Variants in CCDC77 observed in about 807,000 individuals in gnomAD.
The protein encoded by CCDC77 is coiled-coil domain containing 77, also known as coiled-coil domain-containing protein 77.
A neutral mutation model predicts 66.8 loss-of-function variants in CCDC77; 56 were observed. That is an observed-to-expected ratio of 0.84 (90% CI 0.68 to 1.05). The LOEUF is 1.05. Ranked by LOEUF, CCDC77 falls within the 50% of genes least tolerant of loss-of-function variation. The pLI is 0.00. For synonymous variants in CCDC77, 196 were observed against 195.2 expected, an observed-to-expected ratio of 1.00 and a Z score of -0.03; for missense variants, 570 against 576.8, an observed-to-expected ratio of 0.99 and a Z score of 0.12.
chr12:423,472 TTTTTGTG>T (rs1448395550), intron 5 of CCDC77, among the ~76,000 whole-genome samples: 70 of 76,910 alleles, frequency 9.1e-4, no homozygotes, highest in African/African-American at 5.8e-3. Flanking sequence ...TTTTTTGTGT[TTTTTGTG>T]TTTTTTTTTG....
upstream of CCDC77, among the ~76,000 whole-genome samples, chr12:399,704 A>T (rs1335311950): frequency 6.6e-6 from 1 of 152,242 alleles, no homozygotes; most frequent in African/African-American, 2.4e-5. Context: ...TGAACTTAAA[A>T]TACTCAGTTA....
chr12:394,003 A>T, intron 1 of CCDC77, among the ~76,000 whole-genome samples: 1 of 152,230 alleles, frequency 6.6e-6, no homozygotes, highest in East Asian at 1.9e-4. Context: ...TTATCAGGCA[A>T]TTGGGAAGTT....
intron 1 of CCDC77, among the ~76,000 whole-genome samples, chr12:390,801 C>T (rs536045373): frequency 4.2e-4 from 64 of 151,942 alleles, no homozygotes; most frequent in Admixed American, 1.9e-3. Flanking sequence ...GTGAATACAT[C>T]TAGGGTTGGA....
chr12:396,491 G>A (rs1944830052), intron 1 of CCDC77, among the ~76,000 whole-genome samples: 1 of 152,204 alleles, frequency 6.6e-6, no homozygotes, highest in African/African-American at 2.4e-5. Context: ...GTATACGGGA[G>A]GGTGTGCATA....
At chr12:415,349 C>CATAATATTATATTAATATAATT (rs1945212655) in intron 4 of CCDC77, among the ~76,000 whole-genome samples, 3 of 75,144 alleles carry the variant, frequency 4.0e-5, no homozygotes, top group Admixed American at 1.4e-4. Context: ...TTAATATAAT[C>CATAATATTATATTAATATAATT]AACATAATAT....
intron 9 of CCDC77, among the ~76,000 whole-genome samples, chr12:434,819 C>G (rs1239465804): frequency 1.3e-5 from 2 of 152,230 alleles, no homozygotes; most frequent in African/African-American, 4.8e-5. Flanking sequence ...AACCCCTTCA[C>G]CCTTTTGCCT....
chr12:427,071 C>T (rs995199222), intron 5 of CCDC77, among the ~76,000 whole-genome samples: 16 of 152,002 alleles, frequency 1.1e-4, no homozygotes, highest in African/African-American at 3.9e-4. Context: ...ATGGTGAAAC[C>T]CCATCTCTAC....
chr12:425,676 T>C (rs1945515093), intron 5 of CCDC77, among the ~76,000 whole-genome samples: 1 of 152,068 alleles, frequency 6.6e-6, no homozygotes, highest in South Asian at 2.1e-4. Flanking sequence ...GATACCTGGA[T>C]CACAGCCTTA....
At position 440,906 on chromosome 12, in the gene CCDC77, G is replaced by A; in HGVS notation, c.1230G>A (p.Glu410=). 6.2e-7 allele frequency: 1 copy of A among 1,613,830 alleles called. No homozygotes were observed. The highest frequency in any genetic ancestry group is 8.5e-7 in the Non-Finnish European group (1 of 1,180,026). Residue 410 remains glutamate (E), a synonymous_variant, in exon 12 of 13, where the codon GAG becomes GAA. Coordinates refer to ENST00000239830, the MANE Select transcript of CCDC77 (RefSeq NM_032358.4). ...QIMTKRYEAL[E]RRRILEVEGF... ...TGACAAAACGCTATGAGGCATTGGA[G>A]CGTCGACGTATCCTGGAAGTAGAAG...
chr12:404,973 C>T (rs770622401), intron 1 of CCDC77, among the ~76,000 whole-genome samples: 3 of 152,204 alleles, frequency 2.0e-5, no homozygotes, highest in African/African-American at 4.8e-5. Flanking sequence ...CCGCCTTCCT[C>T]GGCCTCCCAA....
chr12:401,580 T>C (rs554203902), upstream of CCDC77: 264 of 152,370 alleles, frequency 1.7e-3, 1 homozygote, highest in Admixed American at 3.1e-3. Context: ...CATGTAAACT[T>C]CTTCGCGATT....
At chr12:424,403 C>G (rs143241324) in intron 5 of CCDC77, among the ~76,000 whole-genome samples, 1 of 150,132 alleles carries the variant, frequency 6.7e-6, no homozygotes, top group African/African-American at 2.5e-5. Flanking sequence ...GGGTATCACT[C>G]TGTCGGCCAG....
intron 4 of CCDC77, among the ~76,000 whole-genome samples, chr12:416,359 G>GTA (rs1945268062): frequency 4.6e-5 from 2 of 43,516 alleles, no homozygotes; most frequent in Non-Finnish European, 7.8e-5. Flanking sequence ...GTGTGTGTGT[G>GTA]TGTGTGTGTG....
Position 416,379 on chromosome 12 carries a change from A to ATATATATG in CCDC77, c.271-2108_271-2107insGTATATAT, listed in dbSNP as rs1565569200. Among the ~76,000 whole-genome samples the ATATATATG allele has an allele frequency of 2.4e-3, 44 of 17,976 alleles. 1 individual carries two copies. The highest frequency in any genetic ancestry group is 2.8e-3 in the Admixed American group (4 of 1,442). 11.8% of individuals were successfully genotyped at this position (17,976 alleles called of 152,430 possible). On this transcript the variant is annotated intron_variant, in intron 4 of 12. Coordinates refer to ENST00000239830, the MANE Select transcript of CCDC77 (RefSeq NM_032358.4). ...TGTGTGTGTGTGTGTGTGTGTGTGT[A>ATATATATG]TATATATATATATATATATATATAT...
rs572635487 is a variant in CCDC77, at chr12:428,435, C to T, written c.414-334C>T. Among the ~76,000 whole-genome samples the T allele has an allele frequency of 2.2e-3, 322 of 148,314 alleles. 2 individuals carry two copies. Among genetic ancestry groups the T allele is most frequent in the South Asian group, 0.016 (74 of 4,730 alleles). Reference sequence around the variant, plus strand: ...CTGAGGCAGGAGAATGGCGTGAACCCGGCAGGCGGAGGTTGCAGTGAGCCA... The same window carrying T: ...CTGAGGCAGGAGAATGGCGTGAACCTGGCAGGCGGAGGTTGCAGTGAGCCA... On this transcript the variant is annotated intron_variant, in intron 5 of 12. Coordinates refer to ENST00000239830, the MANE Select transcript of CCDC77 (RefSeq NM_032358.4).
intron 1 of CCDC77, among the ~76,000 whole-genome samples, chr12:394,352 T>G (rs1258807041): frequency 6.6e-6 from 1 of 152,178 alleles, no homozygotes; most frequent in Non-Finnish European, 1.5e-5. Flanking sequence ...GTTAATAATT[T>G]TTACTCCTTT....
At chr12:389,422 G>T (rs1944703962) in exon 1 of CCDC77, 2 of 497,778 alleles carry the variant, frequency 4.0e-6, no homozygotes, top group African/African-American at 1.9e-5. Context: ...AGCACAGTGT[G>T]GCTGTTTGTC....
chr12:406,852 C>T (rs1224298986), intron 2 of CCDC77, among the ~76,000 whole-genome samples: 1 of 152,210 alleles, frequency 6.6e-6, no homozygotes, highest in African/African-American at 2.4e-5. Flanking sequence ...GAGGCTGAGA[C>T]AGGAGAATCA....
chr12:440,587 G>A (rs779947210), intron 10 of CCDC77, 30 bp from the exon 11 acceptor site: 2 of 1,611,924 alleles, frequency 1.2e-6, no homozygotes, highest in South Asian at 2.2e-5. Context: ...AGAACTGAGT[G>A]TTAATGTTTT....
Sources: allele counts gnomAD v4.1 joint callset (sites outside exome capture counted in the v4.1 genomes callset), GRCh38; gene constraint gnomAD v4.1.1; transcripts MANE v1.5; gene names NCBI Gene and HGNC (gene_info 2026-07-23, HGNC 2026-07-21).